Variants in VAV3 observed in about 807,000 individuals in gnomAD.
VAV3 encodes the protein vav guanine nucleotide exchange factor 3, also known as guanine nucleotide exchange factor VAV3.
A neutral mutation model predicts 131.2 loss-of-function variants in VAV3; 94 were observed. The ratio of observed to expected loss-of-function variants is 0.72; its 90% CI spans 0.61 to 0.85. The LOEUF (loss-of-function observed/expected upper bound fraction) is 0.85, where lower values mean the gene tolerates loss of function less well. Among genes scored for constraint, VAV3 ranks in the 40% least tolerant of loss-of-function variants. VAV3 has a pLI of 0.00. For missense variants in VAV3, 939 were observed against 1,002.7 expected (o/e 0.94, Z 0.86); for synonymous variants, 349 against 342.0 (o/e 1.02, Z -0.22).
intron 20 of VAV3, among the ~76,000 whole-genome samples, chr1:107,640,095 T>C (rs1232030444): frequency 1.3e-5 from 2 of 152,168 alleles, no homozygotes; most frequent in African/African-American, 4.8e-5. Context: ...ACATATGATC[T>C]ATATATTCCC....
intron 2 of VAV3, among the ~76,000 whole-genome samples, chr1:107,832,196 G>A (rs371189363): frequency 2.0e-5 from 3 of 152,200 alleles, no homozygotes; most frequent in African/African-American, 7.2e-5. Flanking sequence ...CCAGGGAAAC[G>A]TTGCTAATGA....
chr1:107,851,168 T>C (rs1474640303), intron 2 of VAV3, among the ~76,000 whole-genome samples: 3 of 110,898 alleles, frequency 2.7e-5, no homozygotes, highest in Non-Finnish European at 3.4e-5. Flanking sequence ...TGAGACTCCG[T>C]CTCAAAAAAA....
chr1:107,699,966 C>T (rs1490292621), intron 17 of VAV3, among the ~76,000 whole-genome samples: 1 of 152,164 alleles, frequency 6.6e-6, no homozygotes, highest in African/African-American at 2.4e-5. Flanking sequence ...GATGATCACA[C>T]ACCAAAGGTT....
At chr1:107,727,969 T>G (rs1486253130) in intron 15 of VAV3, among the ~76,000 whole-genome samples, 1 of 152,212 alleles carries the variant, frequency 6.6e-6, no homozygotes, top group Non-Finnish European at 1.5e-5. Flanking sequence ...ATTAAATTTC[T>G]AACTCACTTT....
At chr1:107,588,752 G>C (rs534113323) in intron 25 of VAV3, among the ~76,000 whole-genome samples, 2 of 152,286 alleles carry the variant, frequency 1.3e-5, no homozygotes, top group South Asian at 4.1e-4. Context: ...GAGATTCCTG[G>C]AATACTCCAT....
At chr1:107,947,610 G>C (rs1674329818) in intron 1 of VAV3, among the ~76,000 whole-genome samples, 1 of 152,182 alleles carries the variant, frequency 6.6e-6, no homozygotes, top group African/African-American at 2.4e-5. Flanking sequence ...AATATGCTGA[G>C]AGATTAAGGA....
chr1:107,770,551 C>A (rs1664983864), intron 6 of VAV3, 85 bp downstream of exon 6: 1 of 895,126 alleles, frequency 1.1e-6, no homozygotes, highest in Non-Finnish European at 1.8e-6. Context: ...AATACACATA[C>A]ACACCTTCAG....
chr1:107,958,209 G>A (rs1191537628), intron 1 of VAV3, among the ~76,000 whole-genome samples: 1 of 152,166 alleles, frequency 6.6e-6, no homozygotes, highest in Non-Finnish European at 1.5e-5. Context: ...GACTAAAAAT[G>A]TTACTAGGCA....
At chr1:107,901,949 A>C (rs1671877105) in intron 1 of VAV3, among the ~76,000 whole-genome samples, 1 of 151,870 alleles carries the variant, frequency 6.6e-6, no homozygotes, top group South Asian at 2.1e-4. Flanking sequence ...AGGCTGAGGG[A>C]GGAGAATCGC....
chr1:107,731,584 A>G (rs1662240400), intron 15 of VAV3, among the ~76,000 whole-genome samples: 1 of 151,830 alleles, frequency 6.6e-6, no homozygotes, highest in Non-Finnish European at 1.5e-5. Context: ...CATTATAAGG[A>G]AGAATCTTCT....
intron 19 of VAV3, chr1:107,669,437 C>T (rs893368620): frequency 1.6e-6 from 2 of 1,289,430 alleles, no homozygotes; most frequent in East Asian, 1.1e-4. Context: ...GTAGCAGGGG[C>T]CATGGAAATA....
intron 19 of VAV3, among the ~76,000 whole-genome samples, chr1:107,678,364 A>G (rs770245912): frequency 6.6e-6 from 1 of 152,230 alleles, no homozygotes; most frequent in Non-Finnish European, 1.5e-5. Context: ...GGTTTGACTG[A>G]TTAATATGGA....
At chr1:107,782,622 C>G (rs1665753156) in intron 2 of VAV3, among the ~76,000 whole-genome samples, 1 of 152,166 alleles carries the variant, frequency 6.6e-6, no homozygotes, top group South Asian at 2.1e-4. Flanking sequence ...AACTGGCACT[C>G]AGTTTTGTGT....
Position 107,572,134 on chromosome 1 carries a change from A to C in VAV3, c.*1197T>G, listed in dbSNP as rs139351899. On this transcript the variant is annotated 3_prime_UTR_variant, in exon 27 of 27. Coordinates refer to ENST00000370056, the MANE Select transcript of VAV3 (RefSeq NM_006113.5). ...GGAAGAATGTATTTAGGCTCCTCACAAAAAAGAGTGATGGCTGGGCAAAAC... is the reference window on the plus strand; with the variant it reads ...GGAAGAATGTATTTAGGCTCCTCACCAAAAAGAGTGATGGCTGGGCAAAAC... The C allele has an allele frequency of 1.3e-5, 2 of 152,196 alleles. No homozygotes were observed. Among genetic ancestry groups the C allele is most frequent in the Admixed American group, 1.3e-4 (2 of 15,276 alleles). The allele number at this position is 152,196 out of a possible 1,614,324, so 9.4% of individuals were successfully genotyped here.
intron 2 of VAV3, among the ~76,000 whole-genome samples, chr1:107,860,566 T>TA (rs1669692055): frequency 1.3e-5 from 2 of 151,604 alleles, no homozygotes; most frequent in African/African-American, 4.8e-5. Context: ...GGTATGATGA[T>TA]AGTGTCCCTT....
intron 25 of VAV3, among the ~76,000 whole-genome samples, chr1:107,579,071 A>C (rs1320988523): frequency 6.6e-6 from 1 of 152,194 alleles, no homozygotes; most frequent in East Asian, 1.9e-4. Flanking sequence ...ACAGAATATC[A>C]GGGTGCTAGC....
chr1:107,715,539 T>C (rs1661043062), intron 15 of VAV3, among the ~76,000 whole-genome samples: 1 of 152,186 alleles, frequency 6.6e-6, no homozygotes, highest in Admixed American at 6.5e-5. Flanking sequence ...ACAAATTAAT[T>C]GAGTGCCTAT....
intron 15 of VAV3, among the ~76,000 whole-genome samples, chr1:107,747,566 T>C (rs1663430480): frequency 6.6e-6 from 1 of 152,190 alleles, no homozygotes; most frequent in African/African-American, 2.4e-5. Flanking sequence ...TTATTATTAA[T>C]AATAATAGCA....
intron 1 of VAV3, among the ~76,000 whole-genome samples, chr1:107,936,283 A>G (rs975199318): frequency 5.3e-5 from 8 of 152,172 alleles, no homozygotes; most frequent in Non-Finnish European, 8.8e-5. Flanking sequence ...ACCTCTTACA[A>G]ATTTGAGGAA....
Sources: gnomAD v4.1 joint callset for allele counts (sites outside exome capture counted in the v4.1 genomes callset) on GRCh38, gnomAD v4.1.1 for gene constraint, MANE v1.5 for transcripts, NCBI Gene and HGNC (gene_info 2026-07-23, HGNC 2026-07-21) for gene names.